DCDC1: variants seen among roughly 807,000 people sequenced by gnomAD.
DCDC1 encodes doublecortin domain containing 1.
Under a neutral mutation model 178.3 loss-of-function variants are expected in DCDC1, and 200 were observed. The observed-to-expected ratio is 1.12, with a 90% CI of 1.00 to 1.26. The LOEUF (loss-of-function observed/expected upper bound fraction) is 1.26, where lower values mean the gene tolerates loss of function less well. DCDC1 is among the 50% of genes most tolerant of loss of function. DCDC1 has a pLI of 0.00. For missense variants in DCDC1, 1,983 were observed against 1,749.2 expected (o/e 1.13, Z -2.38); for synonymous variants, 690 against 604.8 (o/e 1.14, Z -2.07).
intron 1 of DCDC1, among the ~76,000 whole-genome samples, chr11:31,344,386 C>A (rs932965849): frequency 1.3e-5 from 2 of 152,170 alleles, no homozygotes; most frequent in Non-Finnish European, 2.9e-5. Context: ...CTGATACCCC[C>A]ACCTAGGGTA....
chr11:31,127,322 T>A, intron 11 of DCDC1, 147 bp downstream of exon 11: 1 of 483,148 alleles, frequency 2.1e-6, no homozygotes, highest in Non-Finnish European at 3.6e-6. Context: ...TCCTGAATAA[T>A]AATATCACCA....
intron 21 of DCDC1, among the ~76,000 whole-genome samples, chr11:30,936,995 C>T (rs1947317878): frequency 6.6e-6 from 1 of 152,102 alleles, no homozygotes; most frequent in South Asian, 2.1e-4. Flanking sequence ...TTGCCTTCCC[C>T]AACCCACACA....
At chr11:31,006,872 GA>G (rs1951876384) in intron 20 of DCDC1, among the ~76,000 whole-genome samples, 1 of 152,108 alleles carries the variant, frequency 6.6e-6, no homozygotes, top group South Asian at 2.1e-4. Flanking sequence ...TATGGTAGAA[GA>G]AAAAATATAA....
chr11:31,348,163 A>T (rs989453538), intron 1 of DCDC1, among the ~76,000 whole-genome samples: 3 of 152,220 alleles, frequency 2.0e-5, no homozygotes, highest in African/African-American at 7.2e-5. Context: ...ATCTCATAAC[A>T]TACTTGCTGA....
chr11:31,341,679 C>T (rs1015174295), intron 1 of DCDC1, among the ~76,000 whole-genome samples: 1 of 152,114 alleles, frequency 6.6e-6, no homozygotes, highest in African/African-American at 2.4e-5. Context: ...AAAAGTAATA[C>T]ACTGCACTAC....
chr11:30,996,707 G>T (rs918737112), intron 20 of DCDC1, among the ~76,000 whole-genome samples: 11 of 152,132 alleles, frequency 7.2e-5, no homozygotes, highest in Admixed American at 4.6e-4. Flanking sequence ...CTGGTGCCTT[G>T]ATCTTGGACT....
chr11:30,911,509 C>A, intron 27 of DCDC1, 89 bp from the exon 28 acceptor site: 1 of 908,740 alleles, frequency 1.1e-6, no homozygotes, highest in South Asian at 1.4e-5. Context: ...TGCCTCTCAG[C>A]TCCATGCATG....
chr11:30,906,758 G>A (rs1945094222), intron 29 of DCDC1, 33 bp from the exon 30 acceptor site: 1 of 1,580,928 alleles, frequency 6.3e-7, no homozygotes, highest in Non-Finnish European at 8.6e-7. Context: ...CTTTATATAG[G>A]AGCATCTAAA....
chr11:31,209,054 T>C (rs1972194446), intron 9 of DCDC1, among the ~76,000 whole-genome samples: 1 of 152,186 alleles, frequency 6.6e-6, no homozygotes, highest in South Asian at 2.1e-4. Flanking sequence ...AGATAGTAGA[T>C]ACTCAAATAA....
intron 9 of DCDC1, among the ~76,000 whole-genome samples, chr11:31,187,420 T>A (rs1969635368): frequency 6.6e-6 from 1 of 152,094 alleles, no homozygotes; most frequent in South Asian, 2.1e-4. Flanking sequence ...ACTGGCAAGA[T>A]CAATGACAGG....
At chr11:31,353,979 C>T (rs528483856) in intron 1 of DCDC1, among the ~76,000 whole-genome samples, 2 of 151,972 alleles carry the variant, frequency 1.3e-5, no homozygotes, top group South Asian at 4.2e-4. Flanking sequence ...TTAAGAAGTC[C>T]AAAAGTGAGT....
chr11:31,034,601 T>G (rs1409259250), intron 20 of DCDC1, among the ~76,000 whole-genome samples: 3 of 152,230 alleles, frequency 2.0e-5, no homozygotes, highest in African/African-American at 7.2e-5. Flanking sequence ...GGATTCAGTA[T>G]ATTAACATGC....
At chr11:31,337,350 G>A (rs897964197) in intron 1 of DCDC1, among the ~76,000 whole-genome samples, 1 of 152,214 alleles carries the variant, frequency 6.6e-6, no homozygotes, top group Non-Finnish European at 1.5e-5. Context: ...GTGGTTCTAA[G>A]CTTTTTAACA....
At chr11:31,142,669 T>A (rs1252137178) in intron 9 of DCDC1, among the ~76,000 whole-genome samples, 3 of 152,162 alleles carry the variant, frequency 2.0e-5, no homozygotes, top group Non-Finnish European at 2.9e-5. Flanking sequence ...AAAATTAATT[T>A]AAATGTTTTT....
Position 30,903,644 on chromosome 11 carries a change from C to T in DCDC1, c.4348G>A (p.Ala1450Thr), listed in dbSNP as rs371685578. ...TCTTTGGTATATACTTTGGAGGCTG[C>T]TCTGGCAAGCCCAAGTTGTTCCGTG... ...ECTEQLGLAR[A>T]ASKVYTKDGT... is the part of the protein sequence containing the mutation. Residue 1450 changes from alanine (A) to threonine (T), a missense_variant, in exon 32 of 39, where the codon GCA becomes ACA. By Grantham distance (58) the Ala-to-Thr change is moderately conservative. Coordinates refer to ENST00000684477, the MANE Select transcript of DCDC1 (RefSeq NM_001387274.1). 8.1e-5 allele frequency: 130 copies of T among 1,609,904 alleles called. No homozygotes were observed. The highest frequency in any genetic ancestry group is 1.1e-4 in the Non-Finnish European group (127 of 1,178,080).
chr11:31,027,428 G>A (rs1953315689), intron 20 of DCDC1, among the ~76,000 whole-genome samples: 1 of 151,772 alleles, frequency 6.6e-6, no homozygotes, highest in South Asian at 2.1e-4. Flanking sequence ...ATACTTAATG[G>A]TAACTCTTTG....
rs113416323 is a variant in DCDC1 at position 31,214,974 on chromosome 11, T to C, written c.1221+26476A>G. Among the ~76,000 whole-genome samples, 1,423 of 151,896 alleles carry C rather than the reference T, an allele frequency of 9.4e-3. 28 individuals carry two copies. The highest frequency in any genetic ancestry group is 0.033 in the African/African-American group (1,362 of 41,520). On this transcript the variant is annotated intron_variant, in intron 9 of 38. Coordinates refer to ENST00000684477, the MANE Select transcript of DCDC1 (RefSeq NM_001387274.1). ...AATATTTTAAAATATTCATGTCATA[T>C]AAATCTAAGCAGGACATTTTAATAG... is the stretch of plus-strand genomic sequence containing the variant.
At chr11:31,059,608 G>A (rs1955802447) in intron 20 of DCDC1, among the ~76,000 whole-genome samples, 1 of 151,936 alleles carries the variant, frequency 6.6e-6, no homozygotes, top group South Asian at 2.1e-4. Flanking sequence ...ACCTTTATTG[G>A]TAATAGTTCT....
At position 30,909,002 on chromosome 11, in the gene DCDC1, T is replaced by C. The variant is rs1945264971; in HGVS notation, c.3862A>G (p.Asn1288Asp). 6.2e-7 allele frequency: 1 copy of C among 1,611,068 alleles called. No homozygotes were observed. Among genetic ancestry groups the C allele is most frequent in the Non-Finnish European group, 8.5e-7 (1 of 1,178,142 alleles). Reference protein sequence around the residue: ...TALDKEITSANYAGVCTSSVI... With the variant: ...TALDKEITSADYAGVCTSSVI... ...GATGATGTACAGACACCAGCATAAT[T>C]TGCTGATGTAATTTCCTTATCCAAG... is the stretch of plus-strand genomic sequence containing the variant. The change falls in exon 29 of 39, where the codon AAT becomes GAT. Residue 1288 changes from asparagine (N) to aspartate (D), a missense_variant. By Grantham distance (23) the Asn-to-Asp change is conservative. Transcript: ENST00000684477.
Sources: gnomAD v4.1 joint callset for allele counts (sites outside exome capture counted in the v4.1 genomes callset) on GRCh38, gnomAD v4.1.1 for gene constraint, MANE v1.5 for transcripts, NCBI Gene and HGNC (gene_info 2026-07-23, HGNC 2026-07-21) for gene names.